The following RPS6KA2 variants were observed in gnomAD, a reference collection of about 807,000 sequenced individuals.
RPS6KA2 encodes the protein ribosomal protein S6 kinase A2, also known as ribosomal protein S6 kinase alpha-2.
In RPS6KA2, 42 loss-of-function variants were observed where a neutral mutation model predicts 91.8. That is an observed-to-expected ratio of 0.46 (90% CI 0.36 to 0.59). The LOEUF is 0.59. Among genes scored for constraint, RPS6KA2 ranks in the 20% least tolerant of loss-of-function variants. The pLI, the probability that RPS6KA2 is intolerant of heterozygous loss-of-function variation, is 0.00. For missense variants in RPS6KA2, 798 were observed against 978.5 expected, an observed-to-expected ratio of 0.82 and a Z score of 2.46; for synonymous variants, 414 against 393.6, an observed-to-expected ratio of 1.05 and a Z score of -0.61.
At chr6:166,756,652 A>G (rs1037952004) in intron 2 of RPS6KA2, among the ~76,000 whole-genome samples, 4 of 152,282 alleles carry the variant, frequency 2.6e-5, no homozygotes, top group African/African-American at 9.6e-5. Flanking sequence ...GTTCGAGACC[A>G]ACCTGACCAA....
At chr6:166,591,771 A>G (rs12190451) in intron 1 of RPS6KA2, among the ~76,000 whole-genome samples, 56,823 of 152,094 alleles carry the variant, frequency 0.37, 10,944 homozygotes, top group East Asian at 0.54. Context: ...GTAGTTTCTT[A>G]CAGTAGCCCC....
In RPS6KA2 at chr6:166,410,404, A is replaced by C. The variant is rs1025628613; in HGVS notation, c.*2358T>G. The C allele has an allele frequency of 2.6e-5, 4 of 152,630 alleles. No individual in the cohort carries two copies. Among genetic ancestry groups the C allele is most frequent in the African/African-American group, 9.7e-5 (4 of 41,450 alleles). The allele number at this position is 152,630 out of a possible 1,614,324, so 9.5% of individuals were successfully genotyped here. ...TTTTGAAAGCTTAGTTTAACATATG[A>C]TACCATAACTTCTTTAGGCTGACTT... On this transcript the variant is annotated 3_prime_UTR_variant, in exon 21 of 21. Transcript: ENST00000265678.
At chr6:166,555,909 A>G (rs1784164384) in intron 1 of RPS6KA2, among the ~76,000 whole-genome samples, 1 of 152,144 alleles carries the variant, frequency 6.6e-6, no homozygotes, top group Admixed American at 6.5e-5. Flanking sequence ...TGCTCTAGGA[A>G]GGATGGCCCA....
intron 2 of RPS6KA2, among the ~76,000 whole-genome samples, chr6:166,792,068 A>T (rs1340356272): frequency 1.3e-5 from 2 of 152,210 alleles, no homozygotes; most frequent in African/African-American, 4.8e-5. Flanking sequence ...CAAAAAATCA[A>T]TGAATCTGGG....
chr6:166,452,745 G>A (rs930626293), intron 12 of RPS6KA2, among the ~76,000 whole-genome samples: 29 of 152,226 alleles, frequency 1.9e-4, no homozygotes, highest in African/African-American at 5.5e-4. Context: ...AAATTAGTTC[G>A]TCATAAGCAA....
At chr6:166,645,157 G>T (rs139145699) in intron 2 of RPS6KA2, among the ~76,000 whole-genome samples, 1 of 152,150 alleles carries the variant, frequency 6.6e-6, no homozygotes, top group Non-Finnish European at 1.5e-5. Flanking sequence ...AACTACTTAC[G>T]CATCCTTTAA....
intron 1 of RPS6KA2, among the ~76,000 whole-genome samples, chr6:166,621,859 A>T (rs1027562225): frequency 1.3e-5 from 2 of 151,998 alleles, no homozygotes; most frequent in African/African-American, 4.8e-5. Flanking sequence ...TACAGCCCTA[A>T]AGCCTCTTTC....
chr6:166,565,877 G>A (rs1274525798), intron 1 of RPS6KA2, among the ~76,000 whole-genome samples: 2 of 152,226 alleles, frequency 1.3e-5, no homozygotes, highest in African/African-American at 4.8e-5. Flanking sequence ...GAGACACTAC[G>A]CCTAGGAGCT....
rs1450512392 is a variant in RPS6KA2, at chr6:166,435,152, A to C, written c.1333-2662T>G. Among the ~76,000 whole-genome samples the C allele has an allele frequency of 2.0e-5, 3 of 152,222 alleles. No individual in the cohort carries two copies. Among genetic ancestry groups the C allele is most frequent in the Non-Finnish European group, 4.4e-5 (3 of 68,038 alleles). ...TGACTATTATTTTAAAGAATCTGGGACTACAGATGGCTGCCCTCTCAACCC... is the reference window on the plus strand; with the variant it reads ...TGACTATTATTTTAAAGAATCTGGGCCTACAGATGGCTGCCCTCTCAACCC... On this transcript the variant is annotated intron_variant, in intron 14 of 20. Coordinates refer to ENST00000265678, the MANE Select transcript of RPS6KA2 (RefSeq NM_021135.6). The surrounding 1 kb of genome is among the most constrained non-coding windows in gnomAD (Gnocchi z 4.3).
rs1389871466 is a variant in RPS6KA2 at position 166,648,094 on chromosome 6, GCTCATACACACA to G, written c.124-109322_124-109311del. Among the ~76,000 whole-genome samples, 6 of 137,058 alleles carry G rather than the reference GCTCATACACACA, an allele frequency of 4.4e-5. No individual in the cohort carries two copies. Among genetic ancestry groups the G allele is most frequent in the Non-Finnish European group, 9.3e-5 (6 of 64,432 alleles). 89.9% of individuals were successfully genotyped at this position (137,058 alleles called of 152,430 possible). ...CACACGCACATGGTCATACACACAC[GCTCATACACACA>G]CGTGCACACACACGCTCATACACAT... is the stretch of plus-strand genomic sequence containing the variant. On this transcript the variant is annotated intron_variant, in intron 2 of 21. Transcript: ENST00000503859. This position sits in a 1 kb window ranked among gnomAD's most constrained non-coding sequence, Gnocchi z 4.8.
At chr6:166,686,523 G>C (rs1348668873) in intron 2 of RPS6KA2, among the ~76,000 whole-genome samples, 2 of 152,184 alleles carry the variant, frequency 1.3e-5, no homozygotes, top group Non-Finnish European at 2.9e-5. Flanking sequence ...AGGCCATGTG[G>C]CTTCTGCTGA....
chr6:166,744,865 G>A (rs907248735), intron 2 of RPS6KA2, among the ~76,000 whole-genome samples: 5 of 152,168 alleles, frequency 3.3e-5, no homozygotes, highest in Non-Finnish European at 7.3e-5. Flanking sequence ...AGCTTAGGGG[G>A]CCTGGGCCTT....
chr6:166,540,429 C>T (rs1161604595), intron 1 of RPS6KA2, among the ~76,000 whole-genome samples: 3 of 134,608 alleles, frequency 2.2e-5, no homozygotes, highest in Non-Finnish European at 1.6e-5. Context: ...GGATGATTTG[C>T]TATTTTTGTA....
At chr6:166,716,450 C>T (rs1790016135) in intron 2 of RPS6KA2, among the ~76,000 whole-genome samples, 1 of 152,176 alleles carries the variant, frequency 6.6e-6, no homozygotes, top group Non-Finnish European at 1.5e-5. Context: ...GGCATCAATT[C>T]TTTTTCACAT....
intron 11 of RPS6KA2, among the ~76,000 whole-genome samples, chr6:166,462,716 C>A (rs748610748): frequency 1.3e-5 from 2 of 152,224 alleles, no homozygotes; most frequent in Admixed American, 1.3e-4. Context: ...ATAGCTCCCC[C>A]TCACACGGCA....
At chr6:166,812,153 C>A (rs773421309) in intron 2 of RPS6KA2, among the ~76,000 whole-genome samples, 1 of 152,190 alleles carries the variant, frequency 6.6e-6, no homozygotes, top group East Asian at 1.9e-4. Context: ...GTCAGGAGTT[C>A]GAGACCAGCC....
intron 2 of RPS6KA2, among the ~76,000 whole-genome samples, chr6:166,670,437 C>A (rs1788439617): frequency 1.3e-5 from 2 of 152,264 alleles, no homozygotes; most frequent in Admixed American, 1.3e-4. Flanking sequence ...ACAGTAAATG[C>A]CTCTTTTGTT....
chr6:166,413,807 A>C lies in RPS6KA2; in HGVS notation c.2063T>G (p.Val688Gly). 5 of 1,614,180 alleles carry C rather than the reference A, an allele frequency of 3.1e-6. No individual in the cohort carries two copies. Among genetic ancestry groups the C allele is most frequent in the South Asian group, 1.1e-5 (1 of 91,082 alleles). Residue 688 changes from valine to glycine, a missense_variant, in exon 20 of 21, where the codon GTG becomes GGG. By Grantham distance (109) the Val-to-Gly change is moderately radical. Coordinates refer to ENST00000265678, the MANE Select transcript of RPS6KA2 (RefSeq NM_021135.6). Reference protein sequence around the residue: ...LSPNQLSRQDVHLVKGAMAAT... With the variant: ...LSPNQLSRQDGHLVKGAMAAT... ...GCCTGCCGGTACCTTCACCAGGTGC[A>C]CGTCCTGTCGGCTGAGCTGGTTTGG...
At chr6:166,520,021 GCACC>G (rs1782797876) in intron 3 of RPS6KA2, among the ~76,000 whole-genome samples, 1 of 152,104 alleles carries the variant, frequency 6.6e-6, no homozygotes, top group Non-Finnish European at 1.5e-5. Context: ...ATATGGGCAG[GCACC>G]ATCCAGCCCA....
Sources: gnomAD v4.1 joint callset for allele counts (sites outside exome capture counted in the v4.1 genomes callset) on GRCh38, gnomAD v4.1.1 for gene constraint, Gnocchi (gnomAD v3.1) non-coding constraint, MANE v1.5 for transcripts, NCBI Gene and HGNC (gene_info 2026-07-23, HGNC 2026-07-21) for gene names.